LPIN1: variants seen among roughly 807,000 people sequenced by gnomAD.
LPIN1 encodes the protein lipin 1.
In LPIN1, 71 loss-of-function variants were observed where a neutral mutation model predicts 107.5. That is an observed-to-expected ratio of 0.66 (90% CI 0.55 to 0.80). The LOEUF is 0.80. Among genes scored for constraint, LPIN1 ranks in the 30% least tolerant of loss-of-function variants. The pLI is 0.00. For synonymous variants in LPIN1, 445 were observed against 452.6 expected (o/e 0.98, Z 0.21); for missense variants, 1,043 against 1,160.6 (o/e 0.90, Z 1.47).
Position 11,805,316 on chromosome 2 carries a change from A to T in LPIN1, c.2249+160A>T, listed in dbSNP as rs977190763. ...GGGGTCAGGGGTAGCAGTGGAGTCC[A>T]GAGTGAAAGTGAATCCCAGCAACTC... On this transcript the variant is annotated intron_variant, in intron 17 of 20. Transcript: ENST00000674199. 1.0e-5 allele frequency: 7 copies of T among 691,502 alleles called. No individual in the cohort carries two copies. The African/African-American group carries it at 1.2e-4, about 12-fold the overall frequency. 42.8% of individuals were successfully genotyped at this position (691,502 alleles called of 1,614,324 possible). A position where few individuals can be genotyped will look rare whatever the true frequency, so the allele number is the denominator to read the frequency against.
chr2:11,799,745 A>G (rs1245213465), intron 14 of LPIN1, among the ~76,000 whole-genome samples: 5 of 152,042 alleles, frequency 3.3e-5, no homozygotes, highest in Non-Finnish European at 5.9e-5. Flanking sequence ...ACCTGCCTCC[A>G]TCCTGAAGTT....
chr2:11,757,574 A>G (rs1668867455), intron 1 of LPIN1, among the ~76,000 whole-genome samples: 1 of 152,206 alleles, frequency 6.6e-6, no homozygotes, highest in Admixed American at 6.5e-5. Context: ...GGGCAGAGAA[A>G]GAAGAGCCTG....
At chr2:11,740,705 GA>G (rs1188033535) in intron 1 of LPIN1, among the ~76,000 whole-genome samples, 14 of 134,868 alleles carry the variant, frequency 1.0e-4, no homozygotes, top group Non-Finnish European at 1.7e-4. Context: ...AAAAAAAAAG[GA>G]AGAAAGAAAG....
At chr2:11,792,952 A>G (rs1015737195) in intron 13 of LPIN1, among the ~76,000 whole-genome samples, 1 of 152,134 alleles carries the variant, frequency 6.6e-6, no homozygotes, top group African/African-American at 2.4e-5. Flanking sequence ...CTCAAAGCTC[A>G]TGTTAGGCCA....
At chr2:11,807,687 T>A (rs1678950089) in intron 17 of LPIN1, among the ~76,000 whole-genome samples, 1 of 152,132 alleles carries the variant, frequency 6.6e-6, no homozygotes, top group Admixed American at 6.5e-5. Context: ...GCCCGGAGCA[T>A]GATGTGACGT....
Position 11,737,482 on chromosome 2 carries a change from C to T in LPIN1, c.-71-3867C>T, listed in dbSNP as rs558639509. 2.6e-5 allele frequency among the ~76,000 whole-genome samples: 4 copies of T among 152,122 alleles called. No individual in the cohort carries two copies. The East Asian group carries it at 7.7e-4, about 29-fold the overall frequency. ...ATGGGAGAAAATTTTTGCAGTCTAC[C>T]CACCTGACAAAGGTCTGATACCCAG... is the stretch of plus-strand genomic sequence containing the variant. On this transcript the variant is annotated intron_variant, in intron 1 of 21. Coordinates refer to the LPIN1 transcript ENST00000396097.
At chr2:11,686,621 C>T (rs77568889) in intron 1 of LPIN1, among the ~76,000 whole-genome samples, 1 of 152,008 alleles carries the variant, frequency 6.6e-6, no homozygotes, top group Non-Finnish European at 1.5e-5. Context: ...CTGGGCACCA[C>T]GGGCAGAGCA....
chr2:11,766,761 AAACAAACAC>A (rs983409645), intron 2 of LPIN1, among the ~76,000 whole-genome samples: 2 of 126,046 alleles, frequency 1.6e-5, no homozygotes, highest in African/African-American at 8.7e-5. Context: ...ATCAGGCAAA[AAACAAACAC>A]AAACAAACAA....
chr2:11,759,615 T>A (rs868811860), intron 1 of LPIN1, among the ~76,000 whole-genome samples: 2 of 152,254 alleles, frequency 1.3e-5, no homozygotes, highest in African/African-American at 4.8e-5. Context: ...CTGATTTCTC[T>A]ATCTTTTCCC....
intron 1 of LPIN1, among the ~76,000 whole-genome samples, chr2:11,728,061 G>A (rs1272060552): frequency 6.6e-6 from 1 of 152,100 alleles, no homozygotes; most frequent in African/African-American, 2.4e-5. Flanking sequence ...GCTCTCCTTT[G>A]TGTGGTTATG....
chr2:11,736,414 A>T (rs1247365486), intron 1 of LPIN1, among the ~76,000 whole-genome samples: 1 of 152,182 alleles, frequency 6.6e-6, no homozygotes, highest in Non-Finnish European at 1.5e-5. Flanking sequence ...CATGACACAG[A>T]GTGAGCTCTG....
rs2577258 is a variant in LPIN1, at chr2:11,819,824, A to G, written c.2517+226A>G. Among the ~76,000 whole-genome samples the G allele has an allele frequency of 0.036, 5,553 of 152,276 alleles. 332 individuals are homozygous for G. The highest frequency in any genetic ancestry group is 0.12 in the African/African-American group (5,053 of 41,530). ...TGGCGGGTGGGTCAAAGCTTGAGATATGGGACTTAAAACTCCAAATTTCAA... is the reference window on the plus strand; with the variant it reads ...TGGCGGGTGGGTCAAAGCTTGAGATGTGGGACTTAAAACTCCAAATTTCAA... On this transcript the variant is annotated intron_variant, in intron 19 of 20. Transcript: ENST00000674199.
chr2:11,814,135 G>A (rs1435215262), intron 17 of LPIN1, among the ~76,000 whole-genome samples: 1 of 152,098 alleles, frequency 6.6e-6, no homozygotes, highest in East Asian at 1.9e-4. Context: ...GGGAGCAGGC[G>A]AGCTGCTGTG....
At chr2:11,739,001 G>A (rs374643632) in intron 1 of LPIN1, among the ~76,000 whole-genome samples, 3 of 152,202 alleles carry the variant, frequency 2.0e-5, no homozygotes, top group South Asian at 4.1e-4. Flanking sequence ...TCAAAAAGAG[G>A]CGCCTACACC....
At chr2:11,725,266 C>A (rs1282715897) in intron 1 of LPIN1, among the ~76,000 whole-genome samples, 1 of 150,160 alleles carries the variant, frequency 6.7e-6, no homozygotes, top group Non-Finnish European at 1.5e-5. Flanking sequence ...GTCTCAAAAA[C>A]AAAAACAAAA....
At chr2:11,752,455 G>A (rs112960672) in intron 1 of LPIN1, among the ~76,000 whole-genome samples, 4,303 of 50,202 alleles carry the variant, frequency 0.086, 441 homozygotes, top group African/African-American at 0.45. Flanking sequence ...TTTTTGAGAC[G>A]GAGTCTCGCT....
chr2:11,692,731 C>T (rs1662336752), intron 1 of LPIN1, among the ~76,000 whole-genome samples: 1 of 152,242 alleles, frequency 6.6e-6, no homozygotes, highest in Non-Finnish European at 1.5e-5. Flanking sequence ...AACCATAGGA[C>T]AAAAATCATT....
chr2:11,746,168 T>C (rs1243024212), upstream of LPIN1: 1 of 152,322 alleles, frequency 6.6e-6, no homozygotes, highest in Non-Finnish European at 1.5e-5. Flanking sequence ...TCAACGCGAT[T>C]GCGCCTTTAA....
At chr2:11,696,846 T>G (rs1662609514) in intron 1 of LPIN1, among the ~76,000 whole-genome samples, 1 of 152,236 alleles carries the variant, frequency 6.6e-6, no homozygotes, top group Non-Finnish European at 1.5e-5. Flanking sequence ...CCCCACCACG[T>G]GGGTCTCCTG....
Sources: allele counts gnomAD v4.1 joint callset (sites outside exome capture counted in the v4.1 genomes callset), GRCh38; gene constraint gnomAD v4.1.1; transcripts MANE v1.5; gene names NCBI Gene and HGNC (gene_info 2026-07-23, HGNC 2026-07-21).